The following RBM44 variants were observed in gnomAD, a reference collection of about 807,000 sequenced individuals.
RBM44 encodes the protein RNA-binding protein 44.
Under a neutral mutation model 105.1 loss-of-function variants are expected in RBM44, and 66 were observed. The ratio of observed to expected loss-of-function variants is 0.63; its 90% CI spans 0.52 to 0.77. The LOEUF (loss-of-function observed/expected upper bound fraction) is 0.77. Among genes scored for constraint, RBM44 ranks in the 30% least tolerant of loss-of-function variants. The pLI is 0.00. For synonymous variants in RBM44, 365 were observed against 417.6 expected, an observed-to-expected ratio of 0.87 and a Z score of 1.54; for missense variants, 1,122 against 1,207.8, an observed-to-expected ratio of 0.93 and a Z score of 1.05.
intron 13 of RBM44, among the ~76,000 whole-genome samples, chr2:237,830,578 G>A (rs752754639): frequency 6.6e-6 from 1 of 152,016 alleles, no homozygotes; most frequent in African/African-American, 2.4e-5. Context: ...ATTGTTTCAG[G>A]TATTTGTTGA....
chr2:237,832,156 C>CTT (rs1298405099), intron 13 of RBM44, among the ~76,000 whole-genome samples: 49 of 140,226 alleles, frequency 3.5e-4, no homozygotes, highest in African/African-American at 1.1e-3. Context: ...TAATTTCAGT[C>CTT]TTTTTTTTTT....
At chr2:237,826,306 A>G (rs1183082366) in intron 10 of RBM44, among the ~76,000 whole-genome samples, 1 of 152,162 alleles carries the variant, frequency 6.6e-6, no homozygotes, top group East Asian at 1.9e-4. Flanking sequence ...TAGTAATTTG[A>G]ATCTCTATTC....
At chr2:237,832,281 A>G (rs2061911672) in intron 13 of RBM44, among the ~76,000 whole-genome samples, 1 of 151,912 alleles carries the variant, frequency 6.6e-6, no homozygotes, top group Non-Finnish European at 1.5e-5. Flanking sequence ...CAGCCTCCCA[A>G]GTAGCTGGGA....
Position 237,801,065 on chromosome 2 carries a change from GTGGTT to G in RBM44, c.-19+2206_-19+2210del, listed in dbSNP as rs752363543. On this transcript the variant is annotated intron_variant, in intron 1 of 15. Coordinates refer to ENST00000316997, the MANE Select transcript of RBM44 (RefSeq NM_001080504.3). ...GAATATGAAGAGCGGGCTGGGTGCA[GTGGTT>G]TATGCCTGTAATCCCAACACTTTGA... Among the ~76,000 whole-genome samples, 156 of 152,300 alleles carry G rather than the reference GTGGTT, an allele frequency of 1.0e-3. 1 individual carries two copies. Among genetic ancestry groups the G allele is most frequent in the Non-Finnish European group, 1.7e-3 (116 of 68,014 alleles).
intron 15 of RBM44, among the ~76,000 whole-genome samples, chr2:237,835,826 C>T (rs1042972089): frequency 3.3e-5 from 5 of 151,522 alleles, no homozygotes; most frequent in Admixed American, 2.0e-4. Flanking sequence ...GCAGTGTACA[C>T]TATACCCAAC....
In RBM44 at chr2:237,817,995, GCACATTAC is replaced by G. The variant is rs1666391656; in HGVS notation, c.1081_1088del (p.Leu361GlyfsTer2). The stretch of plus-strand genomic sequence containing the variant: ...ATATTACTGCACCTTGAAAATCCTA[GCACATTAC>G]CACAGGATAAAGCTTTAGAGACATT... On this transcript the variant is annotated frameshift_variant, in exon 3 of 16. Coordinates refer to ENST00000316997, the MANE Select transcript of RBM44 (RefSeq NM_001080504.3). LOFTEE classifies it high-confidence loss of function. The G allele has an allele frequency of 6.2e-7, 1 of 1,612,790 alleles. No individual in the cohort carries two copies. Among genetic ancestry groups the G allele is most frequent in the Non-Finnish European group, 8.5e-7 (1 of 1,179,308 alleles).
At chr2:237,815,088 C>T (rs2061701141) in intron 2 of RBM44, among the ~76,000 whole-genome samples, 1 of 152,076 alleles carries the variant, frequency 6.6e-6, no homozygotes, top group Non-Finnish European at 1.5e-5. Context: ...GTGGCTGAGG[C>T]AGGAAGATTG....
chr2:237,820,184 A>T lies in RBM44; in HGVS notation c.1746A>T (p.Gln582His), dbSNP rs778829488. ...TCTTTTATTTTTAAAGGGAATTTCA[A>T]CTTTTTAAAGATACAGAGAAGGATT... ...DLKKHPEREF[Q>H]LFKDTEKDLP... Residue 582 changes from glutamine to histidine, a missense_variant, in exon 5 of 16, where the codon CAA becomes CAT. Transcript: ENST00000316997. 104 of 1,514,456 alleles carry T rather than the reference A, an allele frequency of 6.9e-5. No homozygotes were observed. Among genetic ancestry groups the T allele is most frequent in the Non-Finnish European group, 8.7e-5 (98 of 1,130,508 alleles). The allele number at this position is 1,514,456 out of a possible 1,614,324, so 93.8% of individuals were successfully genotyped here. A position where few individuals can be genotyped will look rare whatever the true frequency, so the allele number is the denominator to read the frequency against.
intron 5 of RBM44, 126 bp from the exon 6 acceptor site, chr2:237,820,945 C>T (rs547217303): frequency 4.9e-5 from 31 of 638,556 alleles, no homozygotes; most frequent in African/African-American, 3.8e-4. Flanking sequence ...TAGCAACTTG[C>T]GAGGCTGAGA....
chr2:237,817,495 A>G lies in RBM44; in HGVS notation c.576A>G (p.Glu192=). ...CACAGCAGGAATATCACAGTGCAGA[A>G]GAACAAGAATACATAAGTAACCATT... The part of the protein sequence containing the change: ...EDSQQEYHSA[E]EQEYISNHLS... Residue 192 remains glutamate (E), a synonymous_variant, in exon 3 of 16, where the codon GAA becomes GAG. Transcript: ENST00000316997. The G allele has an allele frequency of 6.2e-7, 1 of 1,605,828 alleles. No homozygotes were observed. Among genetic ancestry groups the G allele is most frequent in the Non-Finnish European group, 8.5e-7 (1 of 1,175,460 alleles).
chr2:237,840,444 C>T (rs2062001173), intron 15 of RBM44, among the ~76,000 whole-genome samples: 1 of 152,036 alleles, frequency 6.6e-6, no homozygotes, highest in South Asian at 2.1e-4. Context: ...CTTAAGTGTA[C>T]AGCCTAAAAC....
At chr2:237,807,490 A>G (rs2061610979) in intron 1 of RBM44, among the ~76,000 whole-genome samples, 2 of 152,204 alleles carry the variant, frequency 1.3e-5, no homozygotes, top group South Asian at 4.1e-4. Context: ...AGCATCTGAG[A>G]ACTAGTCAGA....
chr2:237,840,381 C>T (rs1045155994), intron 15 of RBM44, among the ~76,000 whole-genome samples: 1 of 152,030 alleles, frequency 6.6e-6, no homozygotes, highest in African/African-American at 2.4e-5. Context: ...AAGACTGAAA[C>T]TAGACCCCTT....
At chr2:237,840,035 G>A (rs1464064730) in intron 15 of RBM44, among the ~76,000 whole-genome samples, 2 of 151,712 alleles carry the variant, frequency 1.3e-5, no homozygotes, top group African/African-American at 4.8e-5. Flanking sequence ...CAAAAAATAC[G>A]AAAATTAGCC....
Position 237,799,000 on chromosome 2 carries a change from G to A in RBM44, c.-19+139G>A, listed in dbSNP as rs971087240. 2 of 152,198 alleles carry A rather than the reference G, an allele frequency of 1.3e-5. No homozygotes were observed. Among genetic ancestry groups the A allele is most frequent in the Non-Finnish European group, 2.9e-5 (2 of 68,106 alleles). 9.4% of individuals were successfully genotyped at this position (152,198 alleles called of 1,614,324 possible). A position where few individuals can be genotyped will look rare whatever the true frequency, so the allele number is the denominator to read the frequency against. On this transcript the variant is annotated intron_variant, in intron 1 of 15. Coordinates refer to ENST00000316997, the MANE Select transcript of RBM44 (RefSeq NM_001080504.3). The surrounding 1 kb of genome is among the most constrained non-coding windows in gnomAD (Gnocchi z 4.3). ...CGAGGCCCGTCCCGCTGAAGCACGC[G>A]GGGACTCCGAACGGCGGTGTAGGCG...
chr2:237,805,728 G>T (rs906200103), intron 1 of RBM44, among the ~76,000 whole-genome samples: 5 of 152,196 alleles, frequency 3.3e-5, no homozygotes, highest in African/African-American at 9.7e-5. Context: ...ACTTTGTGAG[G>T]CCAAGGCGGG....
Position 237,818,474 on chromosome 2 carries a change from G to C in RBM44, c.1555G>C (p.Ala519Pro). ...GCAAAATGAGAAACAAAAAAGTGTGGCTTGTAGTACAGATTGGTCATACAG... is the reference window on the plus strand; with the variant it reads ...GCAAAATGAGAAACAAAAAAGTGTGCCTTGTAGTACAGATTGGTCATACAG... ...EWQNEKQKSVACSTDWSYSED... is the reference protein window; with the variant it reads ...EWQNEKQKSVPCSTDWSYSED... The change falls in exon 3 of 16, where the codon GCT becomes CCT. Residue 519 changes from alanine (A) to proline (P), a missense_variant. Physicochemically the swap from Ala to Pro is conservative, Grantham distance 27. Around this residue, in one of 3 missense-constraint regions of RBM44, gnomAD observed 918 missense variants for 955.3 expected, o/e 0.96. Coordinates refer to ENST00000316997, the MANE Select transcript of RBM44 (RefSeq NM_001080504.3). The surrounding 1 kb of genome is among the most constrained non-coding windows in gnomAD (Gnocchi z 4.6). 6.2e-7 allele frequency: 1 copy of C among 1,612,846 alleles called. No individual in the cohort carries two copies. The highest frequency in any genetic ancestry group is 8.5e-7 in the Non-Finnish European group (1 of 1,179,390).
chr2:237,800,690 C>T (rs1248021687), intron 1 of RBM44, among the ~76,000 whole-genome samples: 3 of 150,594 alleles, frequency 2.0e-5, no homozygotes, highest in African/African-American at 7.3e-5. Flanking sequence ...ATGGATATTA[C>T]CCAAATAAAA....
At chr2:237,831,898 G>T (rs1021002991) in intron 13 of RBM44, among the ~76,000 whole-genome samples, 5 of 152,104 alleles carry the variant, frequency 3.3e-5, no homozygotes, top group Non-Finnish European at 5.9e-5. Context: ...AAAGTGCAGT[G>T]AAGCTGCGTG....
Sources: allele counts gnomAD v4.1 joint callset (sites outside exome capture counted in the v4.1 genomes callset), GRCh38; gene constraint gnomAD v4.1.1; regional missense constraint gnomAD v4.1.1; non-coding constraint Gnocchi (gnomAD v3.1); transcripts MANE v1.5; gene names NCBI Gene and HGNC (gene_info 2026-07-23, HGNC 2026-07-21).